The following KAZN variants were observed in gnomAD, a reference collection of about 807,000 sequenced individuals.
KAZN encodes the protein kazrin, periplakin interacting protein, also known as kazrin.
A neutral mutation model predicts 87.4 loss-of-function variants in KAZN; 40 were observed. The ratio of observed to expected loss-of-function variants is 0.46; its 90% CI spans 0.36 to 0.60. KAZN has a LOEUF of 0.60. Among genes scored for constraint, KAZN ranks in the 20% least tolerant of loss-of-function variants. The probability of loss-of-function intolerance (pLI) is 0.00; values close to 1 mark genes in which losing one functional copy is unlikely to be tolerated. For synonymous variants in KAZN, 466 were observed against 458.3 expected (o/e 1.02, Z -0.22); for missense variants, 898 against 1,073.9 (o/e 0.84, Z 2.29).
At chr1:13,893,539 C>T (rs559492485) in exon 1 of KAZN, 1 of 1,419,754 alleles carries the variant, frequency 7.0e-7, no homozygotes, top group South Asian at 1.5e-5. Context: ...GGGGCGGGGA[C>T]ATTTTCTTGG....
intron 1 of KAZN, among the ~76,000 whole-genome samples, chr1:14,023,762 AG>A (rs1640950595): frequency 6.6e-6 from 1 of 152,178 alleles, no homozygotes; most frequent in Non-Finnish European, 1.5e-5. Context: ...AGATGCCAGG[AG>A]GGGAAGTGGG....
intron 1 of KAZN, among the ~76,000 whole-genome samples, chr1:13,896,289 C>T (rs1198545342): frequency 5.3e-5 from 8 of 151,972 alleles, no homozygotes; most frequent in African/African-American, 1.9e-4. Context: ...ATGGGCATGG[C>T]TGTGTGCCAA....
intron 1 of KAZN, among the ~76,000 whole-genome samples, chr1:14,888,522 G>C (rs115424119): frequency 0.011 from 1,689 of 152,200 alleles, 15 homozygotes; most frequent in Non-Finnish European, 0.019. Flanking sequence ...GGGCCACTTC[G>C]ACCAGATTTT....
intron 1 of KAZN, among the ~76,000 whole-genome samples, chr1:14,859,554 A>G (rs1266485135): frequency 6.6e-6 from 1 of 152,140 alleles, no homozygotes; most frequent in African/African-American, 2.4e-5. Context: ...AACTTCTTTC[A>G]TTCACTGCTT....
chr1:13,902,546 G>C (rs918830298), intron 1 of KAZN, among the ~76,000 whole-genome samples: 9 of 152,216 alleles, frequency 5.9e-5, no homozygotes, highest in Non-Finnish European at 1.2e-4. Flanking sequence ...GGCAGGAAGG[G>C]AGACAGGGAA....
chr1:14,402,820 TGGATATAG>T (rs1663525567), intron 2 of KAZN, among the ~76,000 whole-genome samples: 1 of 151,844 alleles, frequency 6.6e-6, no homozygotes, highest in Non-Finnish European at 1.5e-5. Context: ...CAGACCCAAA[TGGATATAG>T]AAACTTTTTT....
At chr1:15,037,117 A>C (rs1672420296) in intron 3 of KAZN, among the ~76,000 whole-genome samples, 1 of 148,610 alleles carries the variant, frequency 6.7e-6, no homozygotes, top group African/African-American at 2.5e-5. Flanking sequence ...CACCTCTCTC[A>C]TTTCTCCATT....
At chr1:14,947,439 A>G (rs1661956430) in intron 1 of KAZN, among the ~76,000 whole-genome samples, 1 of 152,176 alleles carries the variant, frequency 6.6e-6, no homozygotes, top group South Asian at 2.1e-4. Flanking sequence ...AAGAGCCAAG[A>G]CTGGGGGACC....
rs571378430 is a variant in KAZN, at chr1:14,109,530, C to T, written c.92-70905C>T. ...GCCTCCCTGGACTTATAACCTCACT[C>T]CTTTCTTGTCATTTATTCTCTGCTA... On this transcript the variant is annotated intron_variant, in intron 1 of 16. Transcript: ENST00000636203. Among the ~76,000 whole-genome samples the T allele has an allele frequency of 3.3e-5, 5 of 152,264 alleles. No individual in the cohort carries two copies. In the South Asian group the frequency reaches 1.0e-3, roughly 32 times the overall value.
chr1:14,509,936 AAGGATTC>A (rs1342623322), intron 2 of KAZN, among the ~76,000 whole-genome samples: 1 of 152,228 alleles, frequency 6.6e-6, no homozygotes, highest in Non-Finnish European at 1.5e-5. Flanking sequence ...AACATTCCAG[AAGGATTC>A]ATTAGTACAA....
chr1:15,086,034 G>A (rs1417423273), intron 8 of KAZN, among the ~76,000 whole-genome samples: 1 of 151,886 alleles, frequency 6.6e-6, no homozygotes, highest in Non-Finnish European at 1.5e-5. Context: ...GCAGTGGTGC[G>A]ATCTCGGCTC....
At chr1:14,954,914 T>G (rs1334086826) in intron 1 of KAZN, among the ~76,000 whole-genome samples, 1 of 152,170 alleles carries the variant, frequency 6.6e-6, no homozygotes, top group Non-Finnish European at 1.5e-5. Context: ...ATCGCGCCAC[T>G]GTACTCCAGC....
At chr1:14,513,439 A>C (rs976771829) in intron 2 of KAZN, among the ~76,000 whole-genome samples, 3 of 152,134 alleles carry the variant, frequency 2.0e-5, no homozygotes, top group African/African-American at 7.2e-5. Context: ...ATCCTCAATC[A>C]CAAAACCCAA....
intron 1 of KAZN, among the ~76,000 whole-genome samples, chr1:14,906,177 TATA>T (rs869163308): frequency 3.9e-3 from 129 of 33,492 alleles, no homozygotes; most frequent in African/African-American, 8.7e-3. Flanking sequence ...AAAAATATAT[TATA>T]ATAATAATAA....
chr1:14,811,994 C>T (rs1241202824), intron 1 of KAZN, among the ~76,000 whole-genome samples: 4 of 152,162 alleles, frequency 2.6e-5, no homozygotes, highest in East Asian at 3.9e-4. Context: ...ATGGTGATCC[C>T]GATAACTGAA....
chr1:14,566,624 A>T (rs1319701867), intron 2 of KAZN, among the ~76,000 whole-genome samples: 1 of 152,206 alleles, frequency 6.6e-6, no homozygotes, highest in Non-Finnish European at 1.5e-5. Flanking sequence ...CTACACTGAA[A>T]ATCTGTTGTT....
At position 14,650,032 on chromosome 1, in the gene KAZN, CTTT is replaced by C. The variant is rs34399319; in HGVS notation, c.226+50833_226+50835del. Among the ~76,000 whole-genome samples the C allele has an allele frequency of 9.1e-5, 8 of 88,344 alleles. No individual in the cohort carries two copies. The East Asian group carries it at 1.5e-3, about 16-fold the overall frequency. The allele number at this position is 88,344 out of a possible 152,430, so 58.0% of individuals were successfully genotyped here. ...CTGGTATCTTTCCCCCTCCACCCAT[CTTT>C]TTTTTTTTTTTTTTTTTTTTTTTGC... On this transcript the variant is annotated intron_variant, in intron 1 of 14. Coordinates refer to ENST00000376030, the MANE Select transcript of KAZN (RefSeq NM_201628.3).
chr1:13,958,466 C>G (rs374822404), intron 1 of KAZN, among the ~76,000 whole-genome samples: 1 of 150,068 alleles, frequency 6.7e-6, no homozygotes, highest in Non-Finnish European at 1.5e-5. Context: ...CCCAGCTATT[C>G]GGGAGGCTGA....
intron 1 of KAZN, among the ~76,000 whole-genome samples, chr1:13,976,088 C>T (rs889813235): frequency 3.9e-5 from 6 of 152,192 alleles, no homozygotes; most frequent in Middle Eastern, 3.2e-3. Context: ...TAATATACCC[C>T]ATCTGTTCTG....
Sources: allele counts gnomAD v4.1 joint callset (sites outside exome capture counted in the v4.1 genomes callset), GRCh38; gene constraint gnomAD v4.1.1; transcripts MANE v1.5; gene names NCBI Gene and HGNC (gene_info 2026-07-23, HGNC 2026-07-21).